RNF19A: variants seen among roughly 807,000 people sequenced by gnomAD.
RNF19A encodes the protein ring finger protein 19A, RBR E3 ubiquitin protein ligase.
RNF19A carries 32 observed loss-of-function variants against 75.7 expected under a neutral mutation model. The ratio of observed to expected loss-of-function variants is 0.42; its 90% CI spans 0.32 to 0.57. The LOEUF (loss-of-function observed/expected upper bound fraction) is 0.57. Among genes scored for constraint, RNF19A ranks in the 20% least tolerant of loss-of-function variants. The probability of loss-of-function intolerance (pLI) is 0.10; values close to 1 mark genes in which losing one functional copy is unlikely to be tolerated. For synonymous variants in RNF19A, 335 were observed against 345.2 expected, an observed-to-expected ratio of 0.97 and a Z score of 0.33; for missense variants, 782 against 1,036.3, an observed-to-expected ratio of 0.75 and a Z score of 3.37.
At chr8:100,310,522 T>C (rs965221207), upstream of RNF19A, among the ~76,000 whole-genome samples, 2 of 152,234 alleles carry the variant, frequency 1.3e-5, no homozygotes, top group African/African-American at 4.8e-5. Context: ...GCATTATTCA[T>C]TCCTTTGTGT....
At chr8:100,288,976 C>T (rs1343221068) in intron 1 of RNF19A, among the ~76,000 whole-genome samples, 2 of 149,690 alleles carry the variant, frequency 1.3e-5, no homozygotes, top group Non-Finnish European at 3.0e-5. Flanking sequence ...AGGAGAATGG[C>T]GTGAACCCGG....
intron 1 of RNF19A, among the ~76,000 whole-genome samples, chr8:100,316,317 A>G (rs971894206): frequency 1.3e-5 from 2 of 152,254 alleles, no homozygotes; most frequent in Admixed American, 1.3e-4. Context: ...GCAAAGAGCG[A>G]AAGAACGAAG....
rs907439443 is a variant in RNF19A, at chr8:100,331,576, G to C, written c.-243+4532C>G. Among the ~76,000 whole-genome samples the C allele has an allele frequency of 7.2e-5, 11 of 152,182 alleles. No homozygotes were observed. Among genetic ancestry groups the C allele is most frequent in the African/African-American group, 2.7e-4 (11 of 41,432 alleles). On this transcript the variant is annotated intron_variant, in intron 1 of 3. Coordinates refer to the RNF19A transcript ENST00000519527. This position sits in a 1 kb window ranked among gnomAD's most constrained non-coding sequence, Gnocchi z 5.2. ...TGCTTGAGCCCAGGATGTCAAAGCT[G>C]CAGTGAGTCATGACTGTGCCACTGC...
chr8:100,271,461 C>T (rs1403522481), intron 3 of RNF19A, among the ~76,000 whole-genome samples: 1 of 152,122 alleles, frequency 6.6e-6, no homozygotes, highest in Non-Finnish European at 1.5e-5. Flanking sequence ...GCATGTTAAT[C>T]GATAAACTTT....
intron 1 of RNF19A, among the ~76,000 whole-genome samples, chr8:100,308,588 A>T (rs1822154476): frequency 6.6e-6 from 1 of 152,220 alleles, no homozygotes; most frequent in East Asian, 1.9e-4. Flanking sequence ...ACTGAAAATA[A>T]AACTTAAGGC....
At chr8:100,311,027 T>TA (rs1412340279), upstream of RNF19A, among the ~76,000 whole-genome samples, 1 of 152,248 alleles carries the variant, frequency 6.6e-6, no homozygotes, top group Non-Finnish European at 1.5e-5. Context: ...ACGAATGTGA[T>TA]AGAGGCTGGA....
chr8:100,316,920 C>A (rs1191650967), intron 1 of RNF19A, among the ~76,000 whole-genome samples: 1 of 152,216 alleles, frequency 6.6e-6, no homozygotes, highest in African/African-American at 2.4e-5. Flanking sequence ...CCCTGCCCCG[C>A]GGGAAGGCAG....
intron 1 of RNF19A, among the ~76,000 whole-genome samples, chr8:100,307,395 C>G (rs1046518482): frequency 6.6e-6 from 1 of 152,014 alleles, no homozygotes; most frequent in Non-Finnish European, 1.5e-5. Flanking sequence ...TTGGAAATTA[C>G]AGAAAACTAC....
rs1339773074 is a variant in RNF19A, at chr8:100,322,917, T to C, written c.-242-9545A>G. On this transcript the variant is annotated intron_variant, in intron 1 of 3. Coordinates refer to the RNF19A transcript ENST00000519527. The surrounding 1 kb of genome is among the most constrained non-coding windows in gnomAD (Gnocchi z 5.1). ...ATGGCACTTCAAAACAATTGCAATA[T>C]TAACATCAAAGATCACTGATTACAG... Among the ~76,000 whole-genome samples, 3 of 152,098 alleles carry C rather than the reference T, an allele frequency of 2.0e-5. No homozygotes were observed. The highest frequency in any genetic ancestry group is 7.2e-5 in the African/African-American group (3 of 41,396).
At chr8:100,296,880 A>G (rs1821589122) in intron 1 of RNF19A, among the ~76,000 whole-genome samples, 1 of 152,230 alleles carries the variant, frequency 6.6e-6, no homozygotes, top group Non-Finnish European at 1.5e-5. Context: ...GAAGGTTAAA[A>G]AACAACTTTC....
intron 1 of RNF19A, among the ~76,000 whole-genome samples, chr8:100,296,027 T>C (rs983078987): frequency 4.7e-5 from 7 of 150,310 alleles, no homozygotes; most frequent in Non-Finnish European, 7.4e-5. Flanking sequence ...CTCTAATAAA[T>C]TGATTCCCCA....
chr8:100,312,367 G>A (rs1822312748), upstream of RNF19A: 1 of 152,140 alleles, frequency 6.6e-6, no homozygotes, highest in African/African-American at 2.4e-5. Flanking sequence ...ACTTTGAGAA[G>A]CAGAGGTGGT....
rs773500030 is a variant in RNF19A, at chr8:100,275,448, T to A, written c.675-287A>T. On this transcript the variant is annotated intron_variant, in intron 2 of 9. Transcript: ENST00000341084. This position sits in a 1 kb window ranked among gnomAD's most constrained non-coding sequence, Gnocchi z 4.3. ...TTCAGGGGGTACATGTGCAAGTTTG[T>A]TACATAGGTCTATTGCATGATGCTG... 3.3e-5 allele frequency among the ~76,000 whole-genome samples: 5 copies of A among 151,964 alleles called. No individual in the cohort carries two copies. Among genetic ancestry groups the A allele is most frequent in the Non-Finnish European group, 5.9e-5 (4 of 67,978 alleles).
At chr8:100,292,015 T>G (rs1378316190) in intron 1 of RNF19A, among the ~76,000 whole-genome samples, 1 of 137,572 alleles carries the variant, frequency 7.3e-6, no homozygotes, top group Non-Finnish European at 1.5e-5. Flanking sequence ...TAGGTACAGA[T>G]AATTCCCAGC....
At chr8:100,267,853 T>A (rs1820059107) in intron 5 of RNF19A, among the ~76,000 whole-genome samples, 1 of 151,690 alleles carries the variant, frequency 6.6e-6, no homozygotes, top group Non-Finnish European at 1.5e-5. Flanking sequence ...TTTTTCTGTA[T>A]TTTTAGTAGA....
intron 1 of RNF19A, among the ~76,000 whole-genome samples, chr8:100,293,508 TC>T (rs1451171174): frequency 1.3e-5 from 2 of 152,234 alleles, no homozygotes; most frequent in African/African-American, 2.4e-5. Flanking sequence ...TGTCTTTTTT[TC>T]CTTTGCTTGC....
intron 1 of RNF19A, among the ~76,000 whole-genome samples, chr8:100,302,649 A>C (rs1363820142): frequency 6.6e-6 from 1 of 152,230 alleles, no homozygotes; most frequent in Non-Finnish European, 1.5e-5. Flanking sequence ...AGTAAATATT[A>C]AAGAGTAGGG....
Position 100,261,500 on chromosome 8 carries a change from T to C in RNF19A, c.1682+42A>G. 6.8e-7 allele frequency: 1 copy of C among 1,475,152 alleles called. No individual in the cohort carries two copies. Among genetic ancestry groups the C allele is most frequent in the Non-Finnish European group, 9.5e-7 (1 of 1,054,488 alleles). 91.4% of individuals were successfully genotyped at this position (1,475,152 alleles called of 1,614,324 possible). Reference sequence around the variant, plus strand: ...AAATTCTCACCTAATTAATAATTTGTAGTTACCAGAAAGCAGAACCAAACC... The same window carrying C: ...AAATTCTCACCTAATTAATAATTTGCAGTTACCAGAAAGCAGAACCAAACC... On this transcript the variant is annotated intron_variant, in intron 8 of 9. Transcript: ENST00000341084. This position sits in a 1 kb window ranked among gnomAD's most constrained non-coding sequence, Gnocchi z 4.4.
intron 1 of RNF19A, among the ~76,000 whole-genome samples, chr8:100,290,340 G>C (rs896963418): frequency 6.6e-6 from 1 of 152,166 alleles, no homozygotes; most frequent in Non-Finnish European, 1.5e-5. Flanking sequence ...GACCTCAAGT[G>C]ATCCGCCCGC....
Sources: gnomAD v4.1 joint callset for allele counts (sites outside exome capture counted in the v4.1 genomes callset) on GRCh38, gnomAD v4.1.1 for gene constraint, Gnocchi (gnomAD v3.1) non-coding constraint, MANE v1.5 for transcripts, NCBI Gene and HGNC (gene_info 2026-07-23, HGNC 2026-07-21) for gene names.